The following RIMKLA variants were observed in gnomAD, a reference collection of about 807,000 sequenced individuals.
RIMKLA encodes N-acetylaspartylglutamate synthase A.
In RIMKLA, 14 loss-of-function variants were observed where a neutral mutation model predicts 32.7. That is an observed-to-expected ratio of 0.43 (90% CI 0.28 to 0.67). The LOEUF is 0.67. Ranked by LOEUF, RIMKLA falls within the 30% of genes least tolerant of loss-of-function variation. The pLI is 0.18. For missense variants in RIMKLA, 410 were observed against 519.0 expected (o/e 0.79, Z 2.04); for synonymous variants, 176 against 204.1 (o/e 0.86, Z 1.18).
At chr1:42,399,238 C>T (rs900564350) in intron 1 of RIMKLA, among the ~76,000 whole-genome samples, 166 bp from the exon 2 acceptor site, 1 of 152,072 alleles carries the variant, frequency 6.6e-6, no homozygotes. Context: ...GTTTGTTTGG[C>T]GTATAGGGTT....
At chr1:42,407,079 C>T (rs1001157515) in intron 3 of RIMKLA, among the ~76,000 whole-genome samples, 1 of 151,826 alleles carries the variant, frequency 6.6e-6, no homozygotes, top group Non-Finnish European at 1.5e-5. Context: ...CTGATTTTTG[C>T]ATTTTTTATA....
chr1:42,412,612 C>T, intron 4 of RIMKLA: 3 of 510,376 alleles, frequency 5.9e-6, no homozygotes, highest in Non-Finnish European at 1.2e-5. Context: ...GTGAGGTTCA[C>T]AACAATTTTC....
At chr1:42,407,065 C>A (rs1446168580) in intron 3 of RIMKLA, among the ~76,000 whole-genome samples, 1 of 152,040 alleles carries the variant, frequency 6.6e-6, no homozygotes, top group East Asian at 1.9e-4. Context: ...GCCACCATGC[C>A]TGGCTGATTT....
chr1:42,412,600 C>T (rs975844932), intron 4 of RIMKLA: 5 of 510,256 alleles, frequency 9.8e-6, no homozygotes, highest in African/African-American at 9.7e-5. Context: ...TTTAACCTGC[C>T]TGTGAGGTTC....
rs528346185 is a variant in RIMKLA at position 42,423,310 on chromosome 1, C to G, written c.*8336C>G. Reference sequence around the variant, plus strand: ...CCTATGTTTCTTTCTTCTTCTCTTACATGAAAATCGTCAAACTACACAAAA... The same window carrying G: ...CCTATGTTTCTTTCTTCTTCTCTTAGATGAAAATCGTCAAACTACACAAAA... On this transcript the variant is annotated 3_prime_UTR_variant, in exon 5 of 5. Coordinates refer to ENST00000431473, the MANE Select transcript of RIMKLA (RefSeq NM_173642.4). Among the ~76,000 whole-genome samples, 1 of 152,294 alleles carries G rather than the reference C, an allele frequency of 6.6e-6. No homozygotes were observed. Among genetic ancestry groups the G allele is most frequent in the East Asian group, 1.9e-4 (1 of 5,184 alleles).
chr1:42,414,907 C>T lies in RIMKLA; in HGVS notation c.1109C>T (p.Pro370Leu). 6.2e-7 allele frequency: 1 copy of T among 1,614,152 alleles called. No homozygotes were observed. Among genetic ancestry groups the T allele is most frequent in the Non-Finnish European group, 8.5e-7 (1 of 1,180,008 alleles). Residue 370 changes from proline to leucine, a missense_variant, in exon 5 of 5, where the codon CCC (proline) becomes CTC (leucine). Coordinates refer to ENST00000431473, the MANE Select transcript of RIMKLA (RefSeq NM_173642.4). ...TCAGCAAGCACAATGGGGGCCCCAC[C>T]CTCCATGCTGCCCGAACCTGGCTAC... is the stretch of plus-strand genomic sequence containing the variant. ...DSSASTMGAP[P>L]SMLPEPGYNI... is the part of the protein sequence containing the mutation.
chr1:42,411,719 G>C (rs1322082714), intron 4 of RIMKLA, among the ~76,000 whole-genome samples: 4 of 151,378 alleles, frequency 2.6e-5, no homozygotes, highest in Non-Finnish European at 5.9e-5. Context: ...TGTCACCCAG[G>C]CTGGAGTGCA....
At chr1:42,397,960 T>C (rs1196632276) in intron 1 of RIMKLA, among the ~76,000 whole-genome samples, 1 of 152,120 alleles carries the variant, frequency 6.6e-6, no homozygotes, top group African/African-American at 2.4e-5. Flanking sequence ...AGCAAGTTGC[T>C]GTGAACCCCT....
chr1:42,383,624 T>C (rs994805086), intron 1 of RIMKLA, among the ~76,000 whole-genome samples: 2 of 152,248 alleles, frequency 1.3e-5, no homozygotes, highest in Admixed American at 1.3e-4. Flanking sequence ...TACAGAAATA[T>C]GTAGTTATGA....
intron 1 of RIMKLA, among the ~76,000 whole-genome samples, chr1:42,392,522 G>A (rs1016747507): frequency 2.6e-5 from 4 of 152,084 alleles, no homozygotes; most frequent in African/African-American, 7.2e-5. Context: ...ACCAGGGCCC[G>A]GCTTCTGACT....
intron 1 of RIMKLA, among the ~76,000 whole-genome samples, chr1:42,394,248 T>C (rs1283979915): frequency 6.6e-6 from 1 of 152,244 alleles, no homozygotes; most frequent in Admixed American, 6.5e-5. Flanking sequence ...TCTTAATTTT[T>C]CTGCTTGTTT....
intron 2 of RIMKLA, among the ~76,000 whole-genome samples, chr1:42,403,549 T>C (rs1361468043): frequency 2.6e-5 from 4 of 152,216 alleles, no homozygotes; most frequent in Non-Finnish European, 5.9e-5. Context: ...CACATCGTTA[T>C]TCATATTTTT....
intron 1 of RIMKLA, among the ~76,000 whole-genome samples, chr1:42,381,840 C>T (rs1642891868): frequency 6.6e-6 from 1 of 152,082 alleles, no homozygotes; most frequent in South Asian, 2.1e-4. Flanking sequence ...TTTCGTATAT[C>T]CTTAATACAG....
At chr1:42,388,654 G>A (rs940209787) in intron 1 of RIMKLA, among the ~76,000 whole-genome samples, 4 of 152,038 alleles carry the variant, frequency 2.6e-5, no homozygotes, top group African/African-American at 9.7e-5. Context: ...AAGTAGCTGG[G>A]ATTACAGGCA....
rs1643231232 is a variant in RIMKLA at position 42,414,780 on chromosome 1, G to C, written c.982G>C (p.Gly328Arg). Reference sequence around the variant, plus strand: ...TCCAAGGGAGAAGAACGAGCCGGATGGCTGTGCTTCAGCTCAGGGAGTTGC... The same window carrying C: ...TCCAAGGGAGAAGAACGAGCCGGATCGCTGTGCTTCAGCTCAGGGAGTTGC... ...SSPREKNEPD[G>R]CASAQGVAES... The change falls in exon 5 of 5, where the codon GGC (glycine) becomes CGC (arginine). Residue 328 changes from glycine (G) to arginine (R), a missense_variant. By Grantham distance (125) the Gly-to-Arg change is moderately radical. Transcript: ENST00000431473. The C allele has an allele frequency of 3.1e-6, 5 of 1,614,182 alleles. No individual in the cohort carries two copies. Among genetic ancestry groups the C allele is most frequent in the Admixed American group, 1.7e-5 (1 of 60,028 alleles).
intron 1 of RIMKLA, among the ~76,000 whole-genome samples, chr1:42,393,039 AACT>A (rs1643013902): frequency 1.3e-5 from 2 of 152,196 alleles, no homozygotes; most frequent in African/African-American, 4.8e-5. Flanking sequence ...CAGGTGGAAT[AACT>A]GAAGTGCATG....
rs1643271475 is a variant in RIMKLA, at chr1:42,418,681, G to A, written c.*3707G>A. The A allele has an allele frequency of 6.6e-6, 1 of 152,236 alleles. No homozygotes were observed. The highest frequency in any genetic ancestry group is 1.5e-5 in the Non-Finnish European group (1 of 68,062). The allele number at this position is 152,236 out of a possible 1,614,324, so 9.4% of individuals were successfully genotyped here. Reference sequence around the variant, plus strand: ...TTCCATCCACCCTGGAGAAGTGGGGGAGATGTGCTTCCTCCCTTCTTTAAA... The same window carrying A: ...TTCCATCCACCCTGGAGAAGTGGGGAAGATGTGCTTCCTCCCTTCTTTAAA... On this transcript the variant is annotated 3_prime_UTR_variant, in exon 5 of 5. Coordinates refer to ENST00000431473, the MANE Select transcript of RIMKLA (RefSeq NM_173642.4).
At chr1:42,410,239 A>C in intron 4 of RIMKLA, 52 bp downstream of exon 4, 1 of 1,463,864 alleles carries the variant, frequency 6.8e-7, no homozygotes, top group Non-Finnish European at 9.6e-7. Context: ...CCATTCAGCA[A>C]ATGTATATCG....
At chr1:42,381,856 T>A (rs1642892063) in intron 1 of RIMKLA, among the ~76,000 whole-genome samples, 1 of 152,218 alleles carries the variant, frequency 6.6e-6, no homozygotes, top group African/African-American at 2.4e-5. Context: ...TACAGGCCTC[T>A]CTGATTTAGG....
Sources: allele counts gnomAD v4.1 joint callset (sites outside exome capture counted in the v4.1 genomes callset), GRCh38; gene constraint gnomAD v4.1.1; transcripts MANE v1.5; gene names NCBI Gene and HGNC (gene_info 2026-07-23, HGNC 2026-07-21).